Variants in SHISA6 observed in about 807,000 individuals in gnomAD.
SHISA6 encodes the protein shisa family member 6, also known as protein shisa-6.
In SHISA6, 22 loss-of-function variants were observed where a neutral mutation model predicts 47.9. The ratio of observed to expected loss-of-function variants is 0.46; its 90% CI spans 0.33 to 0.66. The LOEUF (loss-of-function observed/expected upper bound fraction) is 0.66, where lower values mean the gene tolerates loss of function less well. SHISA6 is among the 30% of genes least tolerant of loss of function. SHISA6 has a pLI of 0.02. For synonymous variants in SHISA6, 388 were observed against 337.8 expected, an observed-to-expected ratio of 1.15 and a Z score of -1.63; for missense variants, 680 against 764.6, an observed-to-expected ratio of 0.89 and a Z score of 1.30.
chr17:11,323,969 T>C (rs1910793299), intron 2 of SHISA6, among the ~76,000 whole-genome samples: 1 of 152,148 alleles, frequency 6.6e-6, no homozygotes, highest in African/African-American at 2.4e-5. Flanking sequence ...GATCTCAAAA[T>C]GTCAAATACA....
At chr17:11,342,649 A>C (rs966839928) in intron 2 of SHISA6, among the ~76,000 whole-genome samples, 3 of 152,218 alleles carry the variant, frequency 2.0e-5, no homozygotes, top group African/African-American at 7.2e-5. Flanking sequence ...GATTGTCCCA[A>C]AATAAACAAC....
intron 3 of SHISA6, among the ~76,000 whole-genome samples, chr17:11,404,043 C>G: frequency 6.6e-6 from 1 of 152,110 alleles, no homozygotes; most frequent in East Asian, 1.9e-4. Flanking sequence ...AGGTACTGCT[C>G]AAGAACTAGG....
chr17:11,293,352 G>A (rs901383085), intron 2 of SHISA6, among the ~76,000 whole-genome samples: 3 of 152,136 alleles, frequency 2.0e-5, no homozygotes, highest in African/African-American at 7.2e-5. Context: ...TCATATGCAA[G>A]GGAAATGGAT....
At chr17:11,433,635 T>C (rs1453890322) in intron 3 of SHISA6, among the ~76,000 whole-genome samples, 3 of 152,188 alleles carry the variant, frequency 2.0e-5, no homozygotes, top group Non-Finnish European at 4.4e-5. Flanking sequence ...ATCCCATTAC[T>C]GGGTATATAC....
intron 2 of SHISA6, among the ~76,000 whole-genome samples, chr17:11,294,139 C>T (rs186141130): frequency 8.4e-4 from 128 of 152,294 alleles, no homozygotes; most frequent in Non-Finnish European, 1.6e-3. Flanking sequence ...TCACCTCGGC[C>T]TCCCAGAGTG....
chr17:11,276,327 A>C (rs1263046609), intron 2 of SHISA6, among the ~76,000 whole-genome samples: 1 of 152,034 alleles, frequency 6.6e-6, no homozygotes, highest in African/African-American at 2.4e-5. Context: ...GTGGCCTAGG[A>C]AGTGGAAACT....
chr17:11,299,883 C>T (rs930007058), intron 2 of SHISA6, among the ~76,000 whole-genome samples: 4 of 152,106 alleles, frequency 2.6e-5, no homozygotes, highest in Non-Finnish European at 5.9e-5. Flanking sequence ...CGGTGGCTCA[C>T]GTCTGTAATC....
chr17:11,255,132 G>A (rs1036643276), intron 1 of SHISA6, among the ~76,000 whole-genome samples: 10 of 152,208 alleles, frequency 6.6e-5, no homozygotes, highest in Admixed American at 4.6e-4. Flanking sequence ...AGTGCCCAGA[G>A]TAGTGCCTGG....
At chr17:11,325,460 G>T (rs1369628319) in intron 2 of SHISA6, among the ~76,000 whole-genome samples, 1 of 152,204 alleles carries the variant, frequency 6.6e-6, no homozygotes, top group Non-Finnish European at 1.5e-5. Context: ...TGGAATTCCA[G>T]CCCCTAATTC....
chr17:11,316,046 T>C (rs1462254280), intron 2 of SHISA6, among the ~76,000 whole-genome samples: 1 of 152,222 alleles, frequency 6.6e-6, no homozygotes, highest in Non-Finnish European at 1.5e-5. Context: ...TTTGCCTATC[T>C]GCTCATTATC....
chr17:11,253,342 A>G (rs1343655056), intron 1 of SHISA6, among the ~76,000 whole-genome samples: 4 of 151,114 alleles, frequency 2.6e-5, no homozygotes, highest in Admixed American at 6.6e-5. Context: ...TCTGATAAAA[A>G]TCTGTGATGA....
intron 2 of SHISA6, among the ~76,000 whole-genome samples, chr17:11,338,703 A>G (rs946439743): frequency 3.3e-5 from 5 of 152,086 alleles, no homozygotes; most frequent in Non-Finnish European, 7.3e-5. Flanking sequence ...GGCGTGAGCC[A>G]CTACACCCGG....
chr17:11,467,297 A>G (rs568924877), intron 3 of SHISA6, among the ~76,000 whole-genome samples: 7 of 152,078 alleles, frequency 4.6e-5, no homozygotes, highest in Non-Finnish European at 7.4e-5. Context: ...CATCTGAGAG[A>G]TAGTTCGTGT....
At chr17:11,496,284 C>T (rs1485853141) in intron 3 of SHISA6, among the ~76,000 whole-genome samples, 3 of 152,166 alleles carry the variant, frequency 2.0e-5, no homozygotes, top group Non-Finnish European at 4.4e-5. Flanking sequence ...TCTTTAACAC[C>T]CTTCCATCCA....
intron 1 of SHISA6, among the ~76,000 whole-genome samples, chr17:11,250,765 T>C (rs1288260108): frequency 6.6e-6 from 1 of 152,106 alleles, no homozygotes; most frequent in Non-Finnish European, 1.5e-5. Context: ...TCTGCTCACG[T>C]GTCAGGACAG....
intron 2 of SHISA6, among the ~76,000 whole-genome samples, chr17:11,323,483 C>T (rs1162605288): frequency 6.6e-6 from 1 of 151,832 alleles, no homozygotes; most frequent in Non-Finnish European, 1.5e-5. Flanking sequence ...GGAGAAACCC[C>T]GTCTCTACTA....
intron 2 of SHISA6, among the ~76,000 whole-genome samples, chr17:11,361,018 C>T (rs1912258457): frequency 7.1e-6 from 1 of 139,946 alleles, no homozygotes; most frequent in Non-Finnish European, 1.5e-5. Context: ...ATTCTCATTC[C>T]TTAAGTTTAC....
chr17:11,396,838 A>T (rs1272296163), intron 3 of SHISA6, among the ~76,000 whole-genome samples: 1 of 152,184 alleles, frequency 6.6e-6, no homozygotes, highest in African/African-American at 2.4e-5. Context: ...CGGCAAACCA[A>T]CCTGGCACGT....
intron 3 of SHISA6, among the ~76,000 whole-genome samples, chr17:11,514,740 G>T (rs1488190805): frequency 6.6e-6 from 1 of 152,204 alleles, no homozygotes; most frequent in Non-Finnish European, 1.5e-5. Flanking sequence ...CAACACAGAG[G>T]TGCTCTAGGC....
Sources: allele counts gnomAD v4.1 joint callset (sites outside exome capture counted in the v4.1 genomes callset), GRCh38; gene constraint gnomAD v4.1.1; transcripts MANE v1.5; gene names NCBI Gene and HGNC (gene_info 2026-07-23, HGNC 2026-07-21).